ACSL6: variants seen among roughly 807,000 people sequenced by gnomAD.
ACSL6 encodes acyl-CoA synthetase long chain family member 6.
In ACSL6, 47 loss-of-function variants were observed where a neutral mutation model predicts 98.2. The ratio of observed to expected loss-of-function variants is 0.48; its 90% CI spans 0.38 to 0.61. The LOEUF (loss-of-function observed/expected upper bound fraction) is 0.61. ACSL6 is among the 20% of genes least tolerant of loss of function. The pLI, the probability that ACSL6 is intolerant of heterozygous loss-of-function variation, is 0.00. For synonymous variants in ACSL6, 362 were observed against 336.9 expected (o/e 1.07, Z -0.82); for missense variants, 761 against 913.4 (o/e 0.83, Z 2.15).
intron 9 of ACSL6, among the ~76,000 whole-genome samples, 199 bp from the exon 10 acceptor site, chr5:131,976,920 C>A (rs1753652712): frequency 1.3e-5 from 2 of 152,236 alleles, no homozygotes; most frequent in South Asian, 4.1e-4. Flanking sequence ...TACCATTAGG[C>A]TCCCACCAGC....
chr5:131,976,780 G>T, intron 9 of ACSL6, 59 bp from the exon 10 acceptor site: 1 of 1,459,878 alleles, frequency 6.8e-7, no homozygotes, highest in Non-Finnish European at 9.6e-7. Flanking sequence ...CTTCTTGAGA[G>T]CAGTGCCCAA....
At chr5:131,966,243 G>T in intron 17 of ACSL6, among the ~76,000 whole-genome samples, 173 bp downstream of exon 17, 1 of 152,156 alleles carries the variant, frequency 6.6e-6, no homozygotes, top group Non-Finnish European at 1.5e-5. Flanking sequence ...GGAGTGAGAA[G>T]AGGAAGATGC....
chr5:131,958,947 T>C (rs1349602234), intron 20 of ACSL6, among the ~76,000 whole-genome samples: 1 of 152,182 alleles, frequency 6.6e-6, no homozygotes, highest in Admixed American at 6.5e-5. Flanking sequence ...TTTGAATTTT[T>C]GACAAAAGGG....
At chr5:131,973,194 G>A (rs1753411472) in intron 12 of ACSL6, 72 bp downstream of exon 12, 17 of 1,552,332 alleles carry the variant, frequency 1.1e-5, no homozygotes, top group Non-Finnish European at 1.5e-5. Flanking sequence ...GCCTGCCTGG[G>A]GCTCCAGACC....
intron 9 of ACSL6, chr5:131,984,544 T>G (rs1420860696): frequency 6.6e-6 from 1 of 152,290 alleles, no homozygotes; most frequent in African/African-American, 2.4e-5. Flanking sequence ...GTGCTTCTAC[T>G]TGCTGATGGT....
intron 14 of ACSL6, among the ~76,000 whole-genome samples, chr5:131,971,167 G>A (rs1192404561): frequency 6.6e-6 from 1 of 152,168 alleles, no homozygotes; most frequent in Non-Finnish European, 1.5e-5. Context: ...ACATAAATGG[G>A]CTTTCTCCCT....
intron 5 of ACSL6, 127 bp downstream of exon 5, chr5:131,989,280 G>C: frequency 2.2e-6 from 2 of 897,278 alleles, no homozygotes; most frequent in South Asian, 3.4e-5. Flanking sequence ...AGGAGTGGTG[G>C]CATAGCCCAA....
intron 20 of ACSL6, among the ~76,000 whole-genome samples, chr5:131,955,196 T>C (rs938489875): frequency 2.0e-5 from 3 of 152,226 alleles, no homozygotes; most frequent in African/African-American, 7.2e-5. Context: ...ATCATCTTTA[T>C]GGTATCATTT....
chr5:131,974,263 C>T (rs557650339), intron 11 of ACSL6, among the ~76,000 whole-genome samples: 1 of 152,288 alleles, frequency 6.6e-6, no homozygotes, highest in East Asian at 1.9e-4. Context: ...ATGGATTCCT[C>T]CTCCCACTCC....
At chr5:131,975,742 C>T (rs1178955681) in intron 10 of ACSL6, 3 of 985,484 alleles carry the variant, frequency 3.0e-6, no homozygotes, top group Non-Finnish European at 3.6e-6. Context: ...GGGAGCCCTG[C>T]ACAAGGCTTG....
At chr5:132,012,090 T>A (rs892552456), upstream of ACSL6, 35 of 917,736 alleles carry the variant, frequency 3.8e-5, no homozygotes, top group Admixed American at 8.7e-5. Context: ...CGCGGTTACC[T>A]GTCCTAGGAG....
intron 1 of ACSL6, among the ~76,000 whole-genome samples, chr5:132,006,026 T>C (rs10054987): frequency 6.2e-4 from 95 of 152,352 alleles, no homozygotes; most frequent in Non-Finnish European, 1.1e-3. Flanking sequence ...CCTGGCTTCC[T>C]GCTCTAAATT....
chr5:131,966,220 A>T (rs1753003502), intron 17 of ACSL6, among the ~76,000 whole-genome samples, 196 bp downstream of exon 17: 2 of 151,936 alleles, frequency 1.3e-5, no homozygotes, highest in African/African-American at 4.8e-5. Context: ...GTCCCTCATC[A>T]CCTTCATGAG....
intron 3 of ACSL6, 134 bp from the exon 4 acceptor site, chr5:131,990,298 A>G: frequency 1.3e-6 from 1 of 784,692 alleles, no homozygotes; most frequent in Non-Finnish European, 2.1e-6. Context: ...GCCCTCCTGC[A>G]CTGCCAGCTA....
chr5:131,967,274 G>C (rs1162919232), intron 16 of ACSL6, among the ~76,000 whole-genome samples: 2 of 152,138 alleles, frequency 1.3e-5, no homozygotes, highest in East Asian at 3.9e-4. Context: ...TTGAGCCCAG[G>C]AGTTCGAGGC....
intron 8 of ACSL6, 54 bp from the exon 9 acceptor site, chr5:131,985,512 G>T: frequency 6.3e-7 from 1 of 1,599,994 alleles, no homozygotes; most frequent in Non-Finnish European, 8.5e-7. Flanking sequence ...GCCAGCCAGG[G>T]CCCAAGATGC....
intron 9 of ACSL6, among the ~76,000 whole-genome samples, chr5:131,981,658 C>A (rs1375233928): frequency 6.6e-6 from 1 of 152,188 alleles, no homozygotes; most frequent in African/African-American, 2.4e-5. Context: ...CTACTGTAAG[C>A]AAATAAGCAT....
At chr5:131,956,720 T>C (rs1453322657) in intron 20 of ACSL6, among the ~76,000 whole-genome samples, 1 of 152,184 alleles carries the variant, frequency 6.6e-6, no homozygotes, top group Non-Finnish European at 1.5e-5. Flanking sequence ...GAATCAATGA[T>C]AAAAACACAT....
intron 1 of ACSL6, among the ~76,000 whole-genome samples, chr5:132,000,587 T>C (rs1004693918): frequency 6.6e-6 from 1 of 152,072 alleles, no homozygotes; most frequent in Non-Finnish European, 1.5e-5. Flanking sequence ...CACACAAGTA[T>C]GATCACTGCG....
Sources: gnomAD v4.1 joint callset for allele counts (sites outside exome capture counted in the v4.1 genomes callset) on GRCh38, gnomAD v4.1.1 for gene constraint, MANE v1.5 for transcripts, NCBI Gene and HGNC (gene_info 2026-07-23, HGNC 2026-07-21) for gene names.